Variants in DOCK3 observed in about 807,000 individuals in gnomAD.
DOCK3 encodes dedicator of cytokinesis protein 3.
In DOCK3, 60 loss-of-function variants were observed where a neutral mutation model predicts 265.6. The ratio of observed to expected loss-of-function variants is 0.23; its 90% CI spans 0.18 to 0.28. The LOEUF (loss-of-function observed/expected upper bound fraction) is 0.28. Among genes scored for constraint, DOCK3 ranks in the 10% least tolerant of loss-of-function variants. The pLI is 1.00. For synonymous variants in DOCK3, 881 were observed against 938.0 expected, an observed-to-expected ratio of 0.94 and a Z score of 1.11; for missense variants, 1,981 against 2,594.3, an observed-to-expected ratio of 0.76 and a Z score of 5.14.
chr3:51,093,016 C>G (rs1006028460), intron 9 of DOCK3, among the ~76,000 whole-genome samples: 1 of 152,152 alleles, frequency 6.6e-6, no homozygotes, highest in Non-Finnish European at 1.5e-5. Context: ...TCTGAGGCCT[C>G]TCTTCTGTTC....
At chr3:50,750,806 C>T (rs1312901744) in intron 1 of DOCK3, among the ~76,000 whole-genome samples, 2 of 152,152 alleles carry the variant, frequency 1.3e-5, no homozygotes, top group African/African-American at 2.4e-5. Context: ...TGTTACTCCA[C>T]CATCCAGCTG....
At chr3:50,988,612 C>T (rs980764890) in intron 5 of DOCK3, among the ~76,000 whole-genome samples, 1 of 152,212 alleles carries the variant, frequency 6.6e-6, no homozygotes, top group African/African-American at 2.4e-5. Flanking sequence ...CCAGGGTCTC[C>T]AGCCACCTAC....
At chr3:50,907,239 T>G (rs1476301031) in intron 4 of DOCK3, among the ~76,000 whole-genome samples, 1 of 152,022 alleles carries the variant, frequency 6.6e-6, no homozygotes, top group Non-Finnish European at 1.5e-5. Flanking sequence ...TTTGATTTGG[T>G]GTGGAGAGTT....
At chr3:51,189,057 C>T (rs1466548326) in intron 12 of DOCK3, among the ~76,000 whole-genome samples, 1 of 152,164 alleles carries the variant, frequency 6.6e-6, no homozygotes, top group African/African-American at 2.4e-5. Context: ...TACATTCCCA[C>T]CAGTAGTGTA....
chr3:51,124,455 G>C (rs2084172140), intron 9 of DOCK3, among the ~76,000 whole-genome samples: 1 of 152,094 alleles, frequency 6.6e-6, no homozygotes, highest in South Asian at 2.1e-4. Flanking sequence ...GTGGCTACCT[G>C]TTGGTTAGCA....
intron 12 of DOCK3, among the ~76,000 whole-genome samples, chr3:51,169,903 TG>T (rs1484597920): frequency 3.3e-5 from 5 of 152,156 alleles, no homozygotes; most frequent in African/African-American, 1.2e-4. Context: ...TTATTGGATG[TG>T]GTTTGCTAGT....
chr3:50,999,016 A>G (rs894865137), intron 5 of DOCK3, among the ~76,000 whole-genome samples: 35 of 152,230 alleles, frequency 2.3e-4, no homozygotes, highest in African/African-American at 8.4e-4. Context: ...GGCTCATTTA[A>G]CTAACACTAA....
At chr3:51,191,733 T>C (rs2087959360) in intron 12 of DOCK3, among the ~76,000 whole-genome samples, 2 of 152,034 alleles carry the variant, frequency 1.3e-5, no homozygotes, top group Admixed American at 6.5e-5. Context: ...CTATGCACTA[T>C]TGTCTTTCCA....
chr3:50,743,549 C>T (rs3950917), intron 1 of DOCK3, among the ~76,000 whole-genome samples: 126,082 of 149,344 alleles, frequency 0.84, 53,658 homozygotes, highest in East Asian at 0.95. Context: ...CAATCCTAGT[C>T]TCTGATAAAA....
At chr3:50,935,442 C>A (rs1269293491) in intron 5 of DOCK3, among the ~76,000 whole-genome samples, 2 of 152,160 alleles carry the variant, frequency 1.3e-5, no homozygotes, top group African/African-American at 4.8e-5. Flanking sequence ...AACTTTCACC[C>A]CCTACCCTAT....
intron 12 of DOCK3, among the ~76,000 whole-genome samples, chr3:51,175,765 A>T (rs1000984063): frequency 6.6e-6 from 1 of 152,196 alleles, no homozygotes; most frequent in Non-Finnish European, 1.5e-5. Context: ...TGGTACAGAG[A>T]AAAGAAGGTT....
chr3:50,895,180 CTTAG>C (rs1292841125), intron 4 of DOCK3, among the ~76,000 whole-genome samples: 2 of 143,034 alleles, frequency 1.4e-5, no homozygotes, highest in African/African-American at 5.1e-5. Flanking sequence ...ATATGAAATG[CTTAG>C]TTACCTTATT....
intron 3 of DOCK3, among the ~76,000 whole-genome samples, chr3:50,885,303 A>G (rs945083714): frequency 2.7e-5 from 4 of 150,354 alleles, no homozygotes; most frequent in Non-Finnish European, 4.4e-5. Context: ...GTTGAAGGAC[A>G]TCGTAGTTTC....
At chr3:50,908,633 CT>C (rs760465795) in intron 4 of DOCK3, among the ~76,000 whole-genome samples, 3 of 152,048 alleles carry the variant, frequency 2.0e-5, no homozygotes, top group Non-Finnish European at 4.4e-5. Flanking sequence ...TGTTTTACTT[CT>C]GATTATGTGA....
chr3:50,691,000 T>G (rs889903856), intron 1 of DOCK3, among the ~76,000 whole-genome samples: 2 of 150,782 alleles, frequency 1.3e-5, no homozygotes, highest in African/African-American at 4.9e-5. Context: ...TGTAATCATA[T>G]GGCCGGGCGC....
At chr3:50,936,363 G>A (rs1327790028) in intron 5 of DOCK3, among the ~76,000 whole-genome samples, 1 of 150,984 alleles carries the variant, frequency 6.6e-6, no homozygotes, top group East Asian at 1.9e-4. Flanking sequence ...GAGAGGACAG[G>A]ATGTGGAGCC....
At chr3:51,256,899 G>T (rs1328902562) in intron 22 of DOCK3, among the ~76,000 whole-genome samples, 4 of 152,176 alleles carry the variant, frequency 2.6e-5, no homozygotes, top group African/African-American at 9.6e-5. Flanking sequence ...CCATCCCCAA[G>T]AGCTTGGGCT....
intron 9 of DOCK3, among the ~76,000 whole-genome samples, chr3:51,105,237 A>G (rs2083239031): frequency 6.6e-6 from 1 of 152,216 alleles, no homozygotes; most frequent in Non-Finnish European, 1.5e-5. Context: ...AAAGAACATG[A>G]TTGAATTTTA....
At chr3:51,076,690 C>T (rs1415383595) in intron 7 of DOCK3, among the ~76,000 whole-genome samples, 1 of 152,148 alleles carries the variant, frequency 6.6e-6, no homozygotes, top group Non-Finnish European at 1.5e-5. Context: ...CAATAGACCA[C>T]AGTCAAACAG....
Sources: allele counts gnomAD v4.1 joint callset (sites outside exome capture counted in the v4.1 genomes callset), GRCh38; gene constraint gnomAD v4.1.1; transcripts MANE v1.5; gene names NCBI Gene and HGNC (gene_info 2026-07-23, HGNC 2026-07-21).